Variants in PADI4 observed in about 807,000 individuals in gnomAD.
PADI4 encodes protein-arginine deiminase type-4.
Under a neutral mutation model 75.0 loss-of-function variants are expected in PADI4, and 62 were observed. That is an observed-to-expected ratio of 0.83 (90% CI 0.67 to 1.02). The LOEUF (loss-of-function observed/expected upper bound fraction) is 1.02. Among genes scored for constraint, PADI4 ranks in the 50% least tolerant of loss-of-function variants. The probability of loss-of-function intolerance (pLI) is 0.00; values close to 1 mark genes in which losing one functional copy is unlikely to be tolerated. For synonymous variants in PADI4, 361 were observed against 348.1 expected (o/e 1.04, Z -0.41); for missense variants, 845 against 850.5 (o/e 0.99, Z 0.08).
Position 17,346,171 on chromosome 1 carries a change from G to A in PADI4, c.1047+32G>A. 3 of 1,432,180 alleles carry A rather than the reference G, an allele frequency of 2.1e-6. No homozygotes were observed. The highest frequency in any genetic ancestry group is 3.0e-6 in the Non-Finnish European group (3 of 1,016,258). The allele number at this position is 1,432,180 out of a possible 1,614,324, so 88.7% of individuals were successfully genotyped here. A position where few individuals can be genotyped will look rare whatever the true frequency, so the allele number is the denominator to read the frequency against. On this transcript the variant is annotated intron_variant, in intron 9 of 15. Coordinates refer to ENST00000375448, the MANE Select transcript of PADI4 (RefSeq NM_012387.3). The surrounding 1 kb of genome is among the most constrained non-coding windows in gnomAD (Gnocchi z 4.3). The stretch of plus-strand genomic sequence containing the variant: ...GCCCTGCGGGGCAGGCAGGGTGACT[G>A]TCCCTGAGGGCCAAGAGACACTTGG...
rs374548667 is a variant in PADI4 at position 17,357,933 on chromosome 1, A to AG, written c.1559-905_1559-904insG. Reference sequence around the variant, plus strand: ...GTGACAGAGCAAGACTCAGTCTCAAAAAAAAAAAAAAAAACAAGAAAATAT... The same window carrying AG: ...GTGACAGAGCAAGACTCAGTCTCAAAGAAAAAAAAAAAAAACAAGAAAATAT... On this transcript the variant is annotated intron_variant, in intron 13 of 15. Coordinates refer to ENST00000375448, the MANE Select transcript of PADI4 (RefSeq NM_012387.3). Among the ~76,000 whole-genome samples, 568 of 68,540 alleles carry AG rather than the reference A, an allele frequency of 8.3e-3. 10 individuals are homozygous for AG. Among genetic ancestry groups the AG allele is most frequent in the South Asian group, 0.045 (120 of 2,688 alleles). The allele number at this position is 68,540 out of a possible 152,430, so 45.0% of individuals were successfully genotyped here.
chr1:17,343,268 G>A (rs2074455862), intron 8 of PADI4, among the ~76,000 whole-genome samples: 1 of 152,172 alleles, frequency 6.6e-6, no homozygotes, highest in East Asian at 1.9e-4. Context: ...CTTTCTGGCT[G>A]CCTGTGAGCT....
chr1:17,358,832 T>C lies in PADI4; in HGVS notation c.1559-6T>C, dbSNP rs1553150015. The C allele has an allele frequency of 2.5e-6, 4 of 1,589,348 alleles. No homozygotes were observed. In the East Asian group the frequency reaches 9.0e-5, roughly 36 times the overall value. On this transcript the variant is annotated splice_region_variant and splice_polypyrimidine_tract_variant and intron_variant, in intron 13 of 15. Transcript: ENST00000375448. Reference sequence around the variant, plus strand: ...TTTGCCTTTTTTTTCTTTTTCTCCATGACAGAAAAAAAACAGCAGAAAATA... The same window carrying C: ...TTTGCCTTTTTTTTCTTTTTCTCCACGACAGAAAAAAAACAGCAGAAAATA...
At chr1:17,324,675 G>A (rs2074090547) in intron 1 of PADI4, among the ~76,000 whole-genome samples, 1 of 151,824 alleles carries the variant, frequency 6.6e-6, no homozygotes, top group Admixed American at 6.6e-5. Context: ...TTTCCTTCAG[G>A]TTTACTGGTT....
At chr1:17,333,186 G>C (rs2074245908) in intron 2 of PADI4, among the ~76,000 whole-genome samples, 2 of 152,146 alleles carry the variant, frequency 1.3e-5, no homozygotes, top group African/African-American at 4.8e-5. Flanking sequence ...TGGGAGGCAG[G>C]GAGACCAGAC....
chr1:17,313,049 G>A (rs998717298), intron 1 of PADI4, among the ~76,000 whole-genome samples: 5 of 152,162 alleles, frequency 3.3e-5, no homozygotes, highest in South Asian at 4.1e-4. Context: ...AATTAGCTGA[G>A]CATGGTGGCG....
intron 3 of PADI4, chr1:17,334,916 A>G (rs1570033340): frequency 4.2e-6 from 1 of 240,040 alleles, no homozygotes; most frequent in South Asian, 4.2e-5. Context: ...CGGAGGCAGG[A>G]GGATCGCTTG....
rs2074769043 is a variant in PADI4, at chr1:17,356,842, CGGCTCAGAGGCAGGA to C, written c.1558+385_1558+399del. ...CACAGGCAGAGGGACGGGGGTGGGGCGGCTCAGAGGCAGGAGAAAGCACGATGTGTGTGAGGACCT... is the reference window on the plus strand; with the variant it reads ...CACAGGCAGAGGGACGGGGGTGGGGCGAAAGCACGATGTGTGTGAGGACCT... On this transcript the variant is annotated intron_variant, in intron 13 of 15. Coordinates refer to ENST00000375448, the MANE Select transcript of PADI4 (RefSeq NM_012387.3). The surrounding 1 kb of genome is among the most constrained non-coding windows in gnomAD (Gnocchi z 4.1). Among the ~76,000 whole-genome samples the C allele has an allele frequency of 6.6e-6, 1 of 151,774 alleles. No individual in the cohort carries two copies. Among genetic ancestry groups the C allele is most frequent in the Non-Finnish European group, 1.5e-5 (1 of 67,954 alleles).
intron 15 of PADI4, among the ~76,000 whole-genome samples, chr1:17,360,362 G>A (rs74058736): frequency 6.6e-6 from 1 of 152,024 alleles, no homozygotes; most frequent in Non-Finnish European, 1.5e-5. Context: ...AGAGTCCTCT[G>A]GTGAGGACTG....
chr1:17,333,782 C>T (rs1307589445), intron 2 of PADI4, among the ~76,000 whole-genome samples, 161 bp from the exon 3 acceptor site: 1 of 152,024 alleles, frequency 6.6e-6, no homozygotes, highest in South Asian at 2.1e-4. Flanking sequence ...TTTTGCTTTC[C>T]CTCCATTCCC....
In PADI4 at chr1:17,359,401, C is replaced by G. The variant is rs983310328; in HGVS notation, c.1751C>G (p.Pro584Arg). Reference sequence around the variant, plus strand: ...TTCTCTAAGGCGGAAGCTTTTTTCCCCAACATGGTGAGGAGGTGGCGGCTT... The same window carrying G: ...TTCTCTAAGGCGGAAGCTTTTTTCCGCAACATGGTGAGGAGGTGGCGGCTT... ...KEFSKAEAFF[P>R]NMVNMLVLGK... Residue 584 changes from proline to arginine, a missense_variant, in exon 15 of 16, where the codon CCC becomes CGC. Transcript: ENST00000375448. 2.7e-5 allele frequency: 43 copies of G among 1,613,896 alleles called. No individual in the cohort carries two copies. Among genetic ancestry groups the G allele is most frequent in the Non-Finnish European group, 3.4e-5 (40 of 1,179,982 alleles).
At chr1:17,361,371 C>T (rs1256256128) in intron 15 of PADI4, among the ~76,000 whole-genome samples, 13 of 152,362 alleles carry the variant, frequency 8.5e-5, no homozygotes, top group East Asian at 5.8e-4. Flanking sequence ...TAGTCAGCAA[C>T]GCTGAGGGCT....
At chr1:17,317,850 C>G (rs2073967270) in intron 1 of PADI4, among the ~76,000 whole-genome samples, 1 of 152,054 alleles carries the variant, frequency 6.6e-6, no homozygotes. Context: ...CTGAGACTCT[C>G]ATCTCTATAA....
At chr1:17,331,214 G>A in intron 2 of PADI4, 65 bp downstream of exon 2, 1 of 1,379,188 alleles carries the variant, frequency 7.3e-7, no homozygotes, top group South Asian at 1.3e-5. Flanking sequence ...CACACACTCT[G>A]TCCTGCCGTG....
At chr1:17,318,053 C>A (rs908807100) in intron 1 of PADI4, among the ~76,000 whole-genome samples, 8 of 152,200 alleles carry the variant, frequency 5.3e-5, no homozygotes, top group Non-Finnish European at 1.2e-4. Context: ...CTGGGCCCCA[C>A]TCCTAGAGTT....
At position 17,336,131 on chromosome 1, in the gene PADI4, C is replaced by T. The variant is rs2074304935; in HGVS notation, c.341-28C>T. On this transcript the variant is annotated intron_variant, in intron 3 of 15. Transcript: ENST00000375448. ...TGCCCCAACCCCGGACCCTCACCAA[C>T]CTCTCCTCTTACTTGATGGGATTTC... The T allele has an allele frequency of 5.7e-6, 9 of 1,567,756 alleles. No individual in the cohort carries two copies. The South Asian group carries it at 7.8e-5, about 14-fold the overall frequency.
chr1:17,312,856 CTTT>C (rs71014932), intron 1 of PADI4, among the ~76,000 whole-genome samples: 12 of 134,030 alleles, frequency 9.0e-5, no homozygotes, highest in Non-Finnish European at 1.1e-4. Flanking sequence ...AGATATGTAG[CTTT>C]TTTTTTTTTT....
chr1:17,315,131 G>A (rs1347519867), intron 1 of PADI4, among the ~76,000 whole-genome samples: 2 of 152,204 alleles, frequency 1.3e-5, no homozygotes, highest in African/African-American at 2.4e-5. Context: ...GTAGAATGAC[G>A]TCCTTGTCAA....
At chr1:17,316,471 C>T (rs1439738393) in intron 1 of PADI4, among the ~76,000 whole-genome samples, 6 of 151,582 alleles carry the variant, frequency 4.0e-5, no homozygotes, top group South Asian at 4.2e-4. Flanking sequence ...GGGCAGATCA[C>T]GAGGTCAGGA....
Sources: gnomAD v4.1 joint callset for allele counts (sites outside exome capture counted in the v4.1 genomes callset) on GRCh38, gnomAD v4.1.1 for gene constraint, Gnocchi (gnomAD v3.1) non-coding constraint, MANE v1.5 for transcripts, NCBI Gene and HGNC (gene_info 2026-07-23, HGNC 2026-07-21) for gene names.